SLC25A13: variants seen among roughly 807,000 people sequenced by gnomAD.
The protein encoded by SLC25A13 is electrogenic aspartate/glutamate antiporter SLC25A13, mitochondrial.
A neutral mutation model predicts 85.5 loss-of-function variants in SLC25A13; 70 were observed. The ratio of observed to expected loss-of-function variants is 0.82; its 90% CI spans 0.68 to 1.00. The LOEUF (loss-of-function observed/expected upper bound fraction) is 1.00, where lower values mean the gene tolerates loss of function less well. Among genes scored for constraint, SLC25A13 ranks in the 50% least tolerant of loss-of-function variants. The pLI, the probability that SLC25A13 is intolerant of heterozygous loss-of-function variation, is 0.00. For missense variants in SLC25A13, 765 were observed against 819.8 expected, an observed-to-expected ratio of 0.93 and a Z score of 0.82; for synonymous variants, 259 against 288.7, an observed-to-expected ratio of 0.90 and a Z score of 1.04.
Position 96,309,187 on chromosome 7 carries a change from A to T in SLC25A13, c.16-12236T>A, listed in dbSNP as rs116099195. Among the ~76,000 whole-genome samples the T allele has an allele frequency of 3.6e-3, 555 of 152,364 alleles. 4 individuals carry two copies. The highest frequency in any genetic ancestry group is 0.012 in the African/African-American group (510 of 41,592). ...TTCAAGCCATCTGATGACCCAGGGT[A>T]CTACTGAGACTAGCAGGGCTGAAAC... is the stretch of plus-strand genomic sequence containing the variant. On this transcript the variant is annotated intron_variant, in intron 1 of 17. Coordinates refer to ENST00000265631, the MANE Select transcript of SLC25A13 (RefSeq NM_014251.3).
chr7:96,173,564 CTTTTT>C (rs1444732161), intron 11 of SLC25A13, among the ~76,000 whole-genome samples: 1 of 152,192 alleles, frequency 6.6e-6, no homozygotes, highest in Non-Finnish European at 1.5e-5. Flanking sequence ...TGCAACGCTT[CTTTTT>C]GTTTTTTCTC....
At chr7:96,286,979 G>C (rs1208264930) in intron 2 of SLC25A13, among the ~76,000 whole-genome samples, 2 of 152,216 alleles carry the variant, frequency 1.3e-5, no homozygotes, top group East Asian at 3.9e-4. Flanking sequence ...CAGGTTAGCA[G>C]AGAGAAGGCT....
chr7:96,122,439 G>A (rs1225370141), intron 15 of SLC25A13, among the ~76,000 whole-genome samples: 3 of 152,148 alleles, frequency 2.0e-5, no homozygotes, highest in African/African-American at 4.8e-5. Flanking sequence ...TTCTGTGGCT[G>A]CTGGCAGTCA....
Position 96,189,314 on chromosome 7 carries a change from A to C in SLC25A13, c.913T>G (p.Leu305Val). ...PLEEGTLPFNLAEAQRQKASG... is the reference protein window; with the variant it reads ...PLEEGTLPFNVAEAQRQKASG... The stretch of plus-strand genomic sequence containing the variant: ...CTCACCTGCCTCTGGGCCTCAGCCA[A>C]GTTAAAGGGCAGAGTTCCCTCTTCC... Residue 305 changes from leucine (L) to valine (V), a missense_variant, in exon 9 of 18, where the codon TTG becomes GTG. By Grantham distance (32) the Leu-to-Val change is conservative. Coordinates refer to ENST00000265631, the MANE Select transcript of SLC25A13 (RefSeq NM_014251.3). 6.2e-7 allele frequency: 1 copy of C among 1,614,164 alleles called. No individual in the cohort carries two copies. Among genetic ancestry groups the C allele is most frequent in the Non-Finnish European group, 8.5e-7 (1 of 1,180,018 alleles).
Position 96,120,524 on chromosome 7 carries a change from C to A in SLC25A13, c.*667G>T, listed in dbSNP as rs1261958316. 5 of 454,382 alleles carry A rather than the reference C, an allele frequency of 1.1e-5. No homozygotes were observed. Among genetic ancestry groups the A allele is most frequent in the African/African-American group, 1.0e-4 (5 of 49,988 alleles). The allele number at this position is 454,382 out of a possible 1,614,324, so 28.1% of individuals were successfully genotyped here. On this transcript the variant is annotated 3_prime_UTR_variant, in exon 18 of 18. Transcript: ENST00000265631. ...GAGAGGGGCTACATCTCAGTTTTTTCTGTCTGTACAGTAAAATGCCAAAAG... is the reference window on the plus strand; with the variant it reads ...GAGAGGGGCTACATCTCAGTTTTTTATGTCTGTACAGTAAAATGCCAAAAG...
intron 4 of SLC25A13, among the ~76,000 whole-genome samples, chr7:96,216,504 C>G (rs1795904610): frequency 6.6e-6 from 1 of 152,042 alleles, no homozygotes; most frequent in African/African-American, 2.4e-5. Flanking sequence ...AACCTAAATG[C>G]CTATCAACGA....
At chr7:96,143,217 A>C (rs890750770) in intron 14 of SLC25A13, among the ~76,000 whole-genome samples, 1 of 152,222 alleles carries the variant, frequency 6.6e-6, no homozygotes, top group African/African-American at 2.4e-5. Context: ...TTTACTGTTA[A>C]ATGATAAGTT....
At chr7:96,127,768 C>A (rs1022711589) in intron 15 of SLC25A13, among the ~76,000 whole-genome samples, 3 of 152,158 alleles carry the variant, frequency 2.0e-5, no homozygotes, top group Non-Finnish European at 4.4e-5. Context: ...TAGAGGCCAA[C>A]AATTATTCAT....
At chr7:96,224,973 ATGT>A (rs1410138993) in intron 4 of SLC25A13, among the ~76,000 whole-genome samples, 1 of 152,152 alleles carries the variant, frequency 6.6e-6, no homozygotes, top group Non-Finnish European at 1.5e-5. Context: ...CAACTTCCCC[ATGT>A]CTATTTCCTC....
intron 13 of SLC25A13, among the ~76,000 whole-genome samples, chr7:96,162,668 C>T (rs1252970704): frequency 6.6e-6 from 1 of 152,052 alleles, no homozygotes; most frequent in Non-Finnish European, 1.5e-5. Flanking sequence ...GGCTAGGTGG[C>T]TGGCAAGAAC....
chr7:96,243,581 T>G (rs1360278530), intron 3 of SLC25A13, among the ~76,000 whole-genome samples: 1 of 152,066 alleles, frequency 6.6e-6, no homozygotes, highest in African/African-American at 2.4e-5. Context: ...TTGTACTACA[T>G]AGCCAGGCTT....
At chr7:96,274,528 C>T (rs1050928186) in intron 3 of SLC25A13, among the ~76,000 whole-genome samples, 17 of 152,150 alleles carry the variant, frequency 1.1e-4, no homozygotes, top group African/African-American at 3.9e-4. Context: ...TCCCATTTGT[C>T]AATTTTGGCT....
chr7:96,157,061 T>A (rs1378146797), intron 13 of SLC25A13, among the ~76,000 whole-genome samples: 1 of 152,144 alleles, frequency 6.6e-6, no homozygotes, highest in Non-Finnish European at 1.5e-5. Context: ...GTATCGGAAG[T>A]CCATGATCTT....
intron 15 of SLC25A13, among the ~76,000 whole-genome samples, chr7:96,125,101 T>G (rs1791671566): frequency 6.6e-6 from 1 of 152,220 alleles, no homozygotes; most frequent in African/African-American, 2.4e-5. Context: ...AATTCACTTT[T>G]TTTTTTTGAG....
chr7:96,193,389 T>A (rs146833562), intron 5 of SLC25A13, among the ~76,000 whole-genome samples: 1 of 152,134 alleles, frequency 6.6e-6, no homozygotes, highest in African/African-American at 2.4e-5. Flanking sequence ...CTTGAGAAAG[T>A]GCACTCTACC....
intron 3 of SLC25A13, among the ~76,000 whole-genome samples, chr7:96,259,519 G>A (rs550906557): frequency 2.6e-5 from 4 of 152,182 alleles, no homozygotes; most frequent in Non-Finnish European, 4.4e-5. Context: ...ACCATCTCAC[G>A]CCAGTTAGAA....
chr7:96,188,394 G>A (rs1794717355), intron 9 of SLC25A13, among the ~76,000 whole-genome samples: 1 of 152,166 alleles, frequency 6.6e-6, no homozygotes, highest in African/African-American at 2.4e-5. Flanking sequence ...AGGGGGCCCT[G>A]GCTCAAGGTC....
At chr7:96,226,488 A>T (rs773827357) in intron 4 of SLC25A13, among the ~76,000 whole-genome samples, 1 of 152,110 alleles carries the variant, frequency 6.6e-6, no homozygotes, top group Non-Finnish European at 1.5e-5. Context: ...TGAGATCCTG[A>T]TTTTTGGATA....
At chr7:96,185,167 A>G (rs182707134) in intron 9 of SLC25A13, among the ~76,000 whole-genome samples, 156 bp from the exon 10 acceptor site, 1 of 152,266 alleles carries the variant, frequency 6.6e-6, no homozygotes, top group Non-Finnish European at 1.5e-5. Context: ...AATGGATTTC[A>G]TAAGTTCTTA....
Sources: allele counts gnomAD v4.1 joint callset (sites outside exome capture counted in the v4.1 genomes callset), GRCh38; gene constraint gnomAD v4.1.1; transcripts MANE v1.5; gene names NCBI Gene and HGNC (gene_info 2026-07-23, HGNC 2026-07-21).